The following CSAG1 variants were observed in gnomAD, a reference collection of about 807,000 sequenced individuals.
CSAG1 encodes the protein chondrosarcoma-associated gene 1 protein.
In CSAG1, 4 loss-of-function variants were observed where a neutral mutation model predicts 4.8. The observed-to-expected ratio is 0.83, with a 90% CI of 0.41 to 1.90. The LOEUF is 1.90. Among genes scored for constraint, CSAG1 ranks in the 40% most tolerant of loss-of-function variants. The pLI is 0.03. For missense variants in CSAG1, 69 were observed against 59.5 expected (o/e 1.16, Z -0.53); for synonymous variants, 21 against 23.1 (o/e 0.91, Z 0.26).
chrX:152,731,315 C>G (rs1932150684), intron 2 of CSAG1, among the ~76,000 whole-genome samples: 1 of 112,021 alleles, frequency 8.9e-6, no homozygotes, highest in African/African-American at 3.3e-5. Context: ...ATGAAACTGA[C>G]CACTTCATAG....
chrX:152,727,545 A>T lies in CSAG1; in HGVS notation c.*249T>A. The T allele has an allele frequency of 2.3e-6, 1 of 439,381 alleles. No individual in the cohort carries two copies. Among genetic ancestry groups the T allele is most frequent in the Non-Finnish European group, 4.1e-6 (1 of 245,763 alleles). The allele number at this position is 439,381 out of a possible 1,213,427, so 36.2% of individuals were successfully genotyped here. On this transcript the variant is annotated 3_prime_UTR_variant, in exon 4 of 4. Transcript: ENST00000452779. ...TGGGGCATACCCTTTGGGGTGTAAAACGTACTCTACACCCTGTTGGCTATT... is the reference window on the plus strand; with the variant it reads ...TGGGGCATACCCTTTGGGGTGTAAATCGTACTCTACACCCTGTTGGCTATT...
chrX:152,729,935 T>C (rs1932119269), intron 2 of CSAG1, among the ~76,000 whole-genome samples: 1 of 103,604 alleles, frequency 9.7e-6, no homozygotes, highest in Admixed American at 1.0e-4. Flanking sequence ...TACAATAGCT[T>C]ATTTCACAAT....
At chrX:152,731,337 A>C (rs1556228324) in intron 2 of CSAG1, among the ~76,000 whole-genome samples, 1 of 112,609 alleles carries the variant, frequency 8.9e-6, no homozygotes. Context: ...AATAAAATAC[A>C]TCAGTAACCA....
chrX:152,728,081 G>A lies in CSAG1; in HGVS notation c.160C>T (p.Pro54Ser). The A allele has an allele frequency of 8.3e-7, 1 of 1,210,949 alleles. No homozygotes were observed. Among genetic ancestry groups the A allele is most frequent in the Non-Finnish European group, 1.1e-6 (1 of 895,273 alleles). ...SPFSNNHPSTPKRFPRQPRRE... is the reference protein window; with the variant it reads ...SPFSNNHPSTSKRFPRQPRRE... Reference sequence around the variant, plus strand: ...TGCTTTCCCCTTCCTCGCCTCTTTGGTGTTGATGGGTGGTTGTTGGAAAAT... The same window carrying A: ...TGCTTTCCCCTTCCTCGCCTCTTTGATGTTGATGGGTGGTTGTTGGAAAAT... The change falls in exon 3 of 4, where the codon CCA (proline) becomes TCA (serine). Residue 54 changes from proline to serine, a missense_variant. By Grantham distance (74) the Pro-to-Ser change is moderately conservative (BLOSUM62 -1). Transcript: ENST00000452779.
At chrX:152,731,174 T>C in intron 2 of CSAG1, among the ~76,000 whole-genome samples, 1 of 111,920 alleles carries the variant, frequency 8.9e-6, no homozygotes, top group East Asian at 2.8e-4. Context: ...TGCTGTGTAT[T>C]TAAAGTTGTT....
chrX:152,731,214 T>A (rs782229006), intron 2 of CSAG1, among the ~76,000 whole-genome samples: 1 of 111,951 alleles, frequency 8.9e-6, no homozygotes, highest in Admixed American at 9.5e-5. Context: ...CCTGGGTTCA[T>A]AATATTAGTT....
chrX:152,729,882 A>C (rs1247897001), intron 2 of CSAG1, among the ~76,000 whole-genome samples: 8 of 109,169 alleles, frequency 7.3e-5, no homozygotes, highest in Non-Finnish European at 1.5e-4. Context: ...TACCCAATTG[A>C]TTTGAAAACT....
At chrX:152,729,991 A>AC in intron 2 of CSAG1, among the ~76,000 whole-genome samples, 2 of 34,325 alleles carry the variant, frequency 5.8e-5, no homozygotes, top group Non-Finnish European at 1.2e-4. Flanking sequence ...TGGTGAATGG[A>AC]TTATATATAT....
At chrX:152,730,368 C>T (rs1932132101) in intron 2 of CSAG1, among the ~76,000 whole-genome samples, 1 of 112,032 alleles carries the variant, frequency 8.9e-6, no homozygotes, top group Non-Finnish European at 1.9e-5. Flanking sequence ...TGTGTTCCCA[C>T]AAACTTCATC....
rs1556830691 is a variant in CSAG1 at position 152,728,044 on chromosome X, G to A, written c.167+30C>T. On this transcript the variant is annotated intron_variant, in intron 3 of 3. Transcript: ENST00000452779. ...TCACTTTGATAGGGCTTCTGGGCCAGGGATGAGAGGATGCTTTCCCCTTCC... is the reference window on the plus strand; with the variant it reads ...TCACTTTGATAGGGCTTCTGGGCCAAGGATGAGAGGATGCTTTCCCCTTCC... The A allele has an allele frequency of 1.2e-5, 14 of 1,209,177 alleles. No individual in the cohort carries two copies. In the East Asian group the frequency reaches 1.5e-4, roughly 13 times the overall value.
chrX:152,727,603 A>G lies in CSAG1; in HGVS notation c.*191T>C, dbSNP rs1437096990. 1.9e-6 allele frequency: 1 copy of G among 523,964 alleles called. No homozygotes were observed. Among genetic ancestry groups the G allele is most frequent in the East Asian group, 3.6e-5 (1 of 27,963 alleles). 43.2% of individuals were successfully genotyped at this position (523,964 alleles called of 1,213,427 possible). A position where few individuals can be genotyped will look rare whatever the true frequency, so the allele number is the denominator to read the frequency against. ...GGTTAGACTTCTGGAGACTTTTCAG[A>G]TAGACTTGAAGTCTCTGGCCTTGCC... On this transcript the variant is annotated 3_prime_UTR_variant, in exon 4 of 4. Transcript: ENST00000452779.
intron 2 of CSAG1, among the ~76,000 whole-genome samples, chrX:152,731,815 T>A (rs782062762): frequency 1.4e-4 from 16 of 112,300 alleles, no homozygotes; most frequent in African/African-American, 5.2e-4. Context: ...AAAAAGCTTT[T>A]TAAAGACATT....
intron 2 of CSAG1, among the ~76,000 whole-genome samples, chrX:152,730,369 A>G (rs1248462860): frequency 2.7e-5 from 3 of 112,132 alleles, no homozygotes; most frequent in African/African-American, 9.7e-5. Context: ...GTGTTCCCAC[A>G]AACTTCATCT....
chrX:152,727,668 G>T lies in CSAG1; in HGVS notation c.*126C>A. On this transcript the variant is annotated 3_prime_UTR_variant, in exon 4 of 4. Transcript: ENST00000452779. Reference sequence around the variant, plus strand: ...TGCCCAAGGAAGCACTGGAGAAGGCGGTGGTCTCCTTGCCCTTGTGGTCCT... The same window carrying T: ...TGCCCAAGGAAGCACTGGAGAAGGCTGTGGTCTCCTTGCCCTTGTGGTCCT... 1.2e-6 allele frequency: 1 copy of T among 838,207 alleles called. No homozygotes were observed. Among genetic ancestry groups the T allele is most frequent in the Non-Finnish European group, 1.8e-6 (1 of 559,446 alleles). The allele number at this position is 838,207 out of a possible 1,213,427, so 69.1% of individuals were successfully genotyped here. A position where few individuals can be genotyped will look rare whatever the true frequency, so the allele number is the denominator to read the frequency against.
intron 2 of CSAG1, 68 bp downstream of exon 2, chrX:152,732,377 A>T (rs1932177307): frequency 8.7e-7 from 1 of 1,153,284 alleles, no homozygotes; most frequent in African/African-American, 1.8e-5. Context: ...TAACATATTC[A>T]TTCATGGGGA....
intron 2 of CSAG1, among the ~76,000 whole-genome samples, chrX:152,730,491 C>T (rs1158909471): frequency 9.0e-6 from 1 of 111,272 alleles, no homozygotes; most frequent in African/African-American, 3.3e-5. Flanking sequence ...AAAATAGTCC[C>T]CACAGAGATC....
chrX:152,730,438 T>A (rs2471784), intron 2 of CSAG1, among the ~76,000 whole-genome samples: 51,327 of 104,910 alleles, frequency 0.49, 9,471 homozygotes, highest in East Asian at 0.68. Context: ...GAATGACTAG[T>A]TCATGAGAGC....
rs782812748 is a variant in CSAG1 at position 152,733,457 on chromosome X, G to A, written c.-45+211C>T. Reference sequence around the variant, plus strand: ...CACCCCTCCCCCAGTGCCACTTCAGGGGGACTCAGAGTCAGAGACTTGGTC... The same window carrying A: ...CACCCCTCCCCCAGTGCCACTTCAGAGGGACTCAGAGTCAGAGACTTGGTC... On this transcript the variant is annotated intron_variant, in intron 1 of 3. Transcript: ENST00000452779. Among the ~76,000 whole-genome samples, 3 of 111,084 alleles carry A rather than the reference G, an allele frequency of 2.7e-5. No individual in the cohort carries two copies. The South Asian group carries it at 1.2e-3, about 44-fold the overall frequency.
chrX:152,732,326 A>T, intron 2 of CSAG1, 119 bp downstream of exon 2: 1 of 956,507 alleles, frequency 1.0e-6, no homozygotes, highest in Non-Finnish European at 1.4e-6. Context: ...AAGTATACTG[A>T]CATATTCAGG....
Sources: allele counts gnomAD v4.1 joint callset (sites outside exome capture counted in the v4.1 genomes callset), GRCh38; gene constraint gnomAD v4.1.1; transcripts MANE v1.5; gene names NCBI Gene and HGNC (gene_info 2026-07-23, HGNC 2026-07-21).